Variants in PTPRT observed in about 807,000 individuals in gnomAD.
PTPRT encodes receptor-type tyrosine-protein phosphatase T.
In PTPRT, 56 loss-of-function variants were observed where a neutral mutation model predicts 176.8. The ratio of observed to expected loss-of-function variants is 0.32; its 90% CI spans 0.26 to 0.40. The LOEUF (loss-of-function observed/expected upper bound fraction) is 0.40. Ranked by LOEUF, PTPRT falls within the 10% of genes least tolerant of loss-of-function variation. The pLI, the probability that PTPRT is intolerant of heterozygous loss-of-function variation, is 1.00. For synonymous variants in PTPRT, 783 were observed against 739.0 expected (o/e 1.06, Z -0.96); for missense variants, 1,540 against 1,908.2 (o/e 0.81, Z 3.60).
At chr20:43,063,520 G>T (rs1987554663) in intron 1 of PTPRT, 1 of 152,060 alleles carries the variant, frequency 6.6e-6, no homozygotes, top group Admixed American at 6.5e-5. Context: ...TCAGTAAAGG[G>T]TATACCAATA....
chr20:42,771,460 G>A lies in PTPRT; in HGVS notation c.659C>T (p.Ser220Phe), dbSNP rs1379818853. ...CTGGAGCCAAAGCTTGTCATGCTGAGACCACTTCCCACCAGCAATGCACTG... is the reference window on the plus strand; with the variant it reads ...CTGGAGCCAAAGCTTGTCATGCTGAAACCACTTCCCACCAGCAATGCACTG... The part of the protein sequence containing the change: ...TFQCIAGGKW[S>F]QHDKLWLQQW... The change falls in exon 5 of 31, where the codon TCT becomes TTT. Residue 220 changes from serine (S) to phenylalanine (F), a missense_variant. Around this residue, in one of 11 missense-constraint regions of PTPRT, gnomAD observed 273 missense variants for 432.1 expected, o/e 0.63. Coordinates refer to ENST00000373187, the MANE Select transcript of PTPRT (RefSeq NM_007050.6). 1 of 1,614,012 alleles carries A rather than the reference G, an allele frequency of 6.2e-7. No homozygotes were observed. The highest frequency in any genetic ancestry group is 1.3e-5 in the African/African-American group (1 of 75,030).
intron 1 of PTPRT, among the ~76,000 whole-genome samples, chr20:42,932,606 C>T (rs565081995): frequency 6.6e-6 from 1 of 152,266 alleles, no homozygotes; most frequent in Non-Finnish European, 1.5e-5. Context: ...CTTGGGTGAC[C>T]AACGTGTCCC....
chr20:42,943,851 CA>C (rs1348334657), intron 1 of PTPRT, among the ~76,000 whole-genome samples: 3 of 151,758 alleles, frequency 2.0e-5, no homozygotes, highest in South Asian at 2.1e-4. Flanking sequence ...CCTGTCTCTA[CA>C]AAAAAACTGA....
intron 2 of PTPRT, among the ~76,000 whole-genome samples, chr20:42,883,359 T>C (rs953343047): frequency 6.6e-6 from 1 of 151,754 alleles, no homozygotes; most frequent in Non-Finnish European, 1.5e-5. Flanking sequence ...GGAAGTAAAA[T>C]GGCAGAACAA....
intron 7 of PTPRT, among the ~76,000 whole-genome samples, chr20:42,541,071 T>C (rs950299993): frequency 6.6e-6 from 1 of 152,210 alleles, no homozygotes; most frequent in Non-Finnish European, 1.5e-5. Flanking sequence ...GCTCCTATCA[T>C]ATGCCAAAGA....
chr20:42,120,738 G>T (rs1263121129), intron 19 of PTPRT, among the ~76,000 whole-genome samples: 1 of 152,160 alleles, frequency 6.6e-6, no homozygotes, highest in Non-Finnish European at 1.5e-5. Context: ...CCTCTTTCCA[G>T]TTACAGTCAT....
intron 14 of PTPRT, among the ~76,000 whole-genome samples, chr20:42,245,079 C>T (rs1363933050): frequency 3.3e-5 from 5 of 152,144 alleles, no homozygotes; most frequent in Admixed American, 2.0e-4. Flanking sequence ...AAAGGAGGTA[C>T]ATTTTACTAC....
At chr20:42,870,954 C>CTTTT (rs61532865) in intron 2 of PTPRT, among the ~76,000 whole-genome samples, 109 of 140,422 alleles carry the variant, frequency 7.8e-4, no homozygotes, top group African/African-American at 2.8e-3. Context: ...ATTTTCTTTT[C>CTTTT]TTTTTTTTTT....
chr20:42,776,755 T>A (rs1038779332), intron 4 of PTPRT, among the ~76,000 whole-genome samples: 2 of 148,288 alleles, frequency 1.3e-5, no homozygotes, highest in African/African-American at 4.9e-5. Flanking sequence ...TATATAATTA[T>A]AAATGTATAT....
At chr20:42,340,535 C>T (rs778292064) in intron 11 of PTPRT, among the ~76,000 whole-genome samples, 33 of 152,206 alleles carry the variant, frequency 2.2e-4, no homozygotes, top group Non-Finnish European at 4.7e-4. Context: ...CTCACTGTTG[C>T]CAAGTGGAGG....
chr20:42,203,476 A>G (rs1207372361), intron 15 of PTPRT, among the ~76,000 whole-genome samples: 1 of 151,974 alleles, frequency 6.6e-6, no homozygotes, highest in East Asian at 1.9e-4. Context: ...CCACCACACT[A>G]TTTCTCAATA....
the PTPRT span, among the ~76,000 whole-genome samples, chr20:42,033,124 A>G: frequency 1.3e-5 from 2 of 152,316 alleles, no homozygotes; most frequent in Admixed American, 6.5e-5. Context: ...CAGATGGGCT[A>G]GGATGTTTTG....
At chr20:42,459,011 C>A (rs1335912463) in intron 8 of PTPRT, among the ~76,000 whole-genome samples, 2 of 152,088 alleles carry the variant, frequency 1.3e-5, no homozygotes, top group Non-Finnish European at 2.9e-5. Flanking sequence ...AGGAGACACC[C>A]AAAGCTGGAA....
intron 7 of PTPRT, among the ~76,000 whole-genome samples, chr20:42,649,041 A>C (rs543123160): frequency 1.3e-5 from 2 of 151,858 alleles, no homozygotes; most frequent in Non-Finnish European, 2.9e-5. Context: ...GGATGGTCTC[A>C]ATCTCATGAC....
chr20:42,108,751 A>G (rs1986743077), intron 23 of PTPRT, among the ~76,000 whole-genome samples: 1 of 152,190 alleles, frequency 6.6e-6, no homozygotes, highest in African/African-American at 2.4e-5. Context: ...ATGATATATT[A>G]GAGTGCTTAC....
chr20:42,118,623 G>A (rs564241703), intron 20 of PTPRT, 123 bp from the exon 21 acceptor site: 13 of 644,640 alleles, frequency 2.0e-5, no homozygotes, highest in African/African-American at 1.8e-4. Flanking sequence ...GGTGATCCTT[G>A]TTAAGACACC....
chr20:42,741,431 G>A lies in PTPRT; in HGVS notation c.859+15031C>T, dbSNP rs192787199. 1.4e-3 allele frequency among the ~76,000 whole-genome samples: 216 copies of A among 152,196 alleles called. 2 individuals carry two copies. The highest frequency in any genetic ancestry group is 4.7e-3 in the African/African-American group (197 of 41,512). ...GCGATCTTGGCTCACTGCAACCTCTGGCTCTTAGGTTCAAGCGATTCTCCT... is the reference window on the plus strand; with the variant it reads ...GCGATCTTGGCTCACTGCAACCTCTAGCTCTTAGGTTCAAGCGATTCTCCT... On this transcript the variant is annotated intron_variant, in intron 6 of 30. Coordinates refer to ENST00000373187, the MANE Select transcript of PTPRT (RefSeq NM_007050.6).
At chr20:42,086,580 T>G (rs1983933816) in intron 27 of PTPRT, among the ~76,000 whole-genome samples, 1 of 151,056 alleles carries the variant, frequency 6.6e-6, no homozygotes, top group African/African-American at 2.4e-5. Flanking sequence ...AAGCTCTTCC[T>G]CATTCCAGGA....
chr20:42,225,366 C>A (rs183789177), intron 15 of PTPRT, among the ~76,000 whole-genome samples: 56 of 152,170 alleles, frequency 3.7e-4, no homozygotes, highest in Admixed American at 2.2e-3. Context: ...GTATTAATTT[C>A]TTAAGATAAT....
Sources: allele counts gnomAD v4.1 joint callset (sites outside exome capture counted in the v4.1 genomes callset), GRCh38; gene constraint gnomAD v4.1.1; regional missense constraint gnomAD v4.1.1; transcripts MANE v1.5; gene names NCBI Gene and HGNC (gene_info 2026-07-23, HGNC 2026-07-21).